The following THSD4 variants were observed in gnomAD, a reference collection of about 807,000 sequenced individuals.
THSD4 encodes thrombospondin type 1 domain containing 4, also known as thrombospondin type-1 domain-containing protein 4.
A neutral mutation model predicts 119.0 loss-of-function variants in THSD4; 69 were observed. The ratio of observed to expected loss-of-function variants is 0.58; its 90% CI spans 0.48 to 0.71. THSD4 has a LOEUF of 0.71. THSD4 is among the 30% of genes least tolerant of loss of function. The pLI is 0.00. For missense variants in THSD4, 1,393 were observed against 1,391.1 expected (o/e 1.00, Z -0.02); for synonymous variants, 524 against 540.4 (o/e 0.97, Z 0.42).
intron 10 of THSD4, chr15:71,732,541 T>TCA (rs2053000637): frequency 6.6e-6 from 1 of 152,222 alleles, no homozygotes; most frequent in African/African-American, 2.4e-5. Context: ...TAATTATAGC[T>TCA]CACACACATT....
intron 6 of THSD4, among the ~76,000 whole-genome samples, chr15:71,301,051 G>GA (rs2044941532): frequency 6.6e-6 from 1 of 152,118 alleles, no homozygotes; most frequent in South Asian, 2.1e-4. Context: ...CAGGACAAGG[G>GA]AAATTTCTCT....
chr15:71,442,200 C>A (rs1159480712), intron 7 of THSD4, among the ~76,000 whole-genome samples: 1 of 151,690 alleles, frequency 6.6e-6, no homozygotes, highest in Non-Finnish European at 1.5e-5. Context: ...CCTCGTGATC[C>A]ACCCACCTCA....
chr15:71,154,744 A>AGGGCCT (rs1289977101), intron 2 of THSD4, 119 bp from the exon 3 acceptor site: 2 of 986,652 alleles, frequency 2.0e-6, no homozygotes, highest in South Asian at 2.7e-5. Flanking sequence ...GTCACATCCC[A>AGGGCCT]GGGCCTGGGT....
intron 7 of THSD4, among the ~76,000 whole-genome samples, chr15:71,611,972 T>C (rs1451566042): frequency 1.3e-5 from 2 of 152,210 alleles, no homozygotes; most frequent in Non-Finnish European, 2.9e-5. Context: ...AACTGAGCAG[T>C]TGAGTGAGTA....
intron 15 of THSD4, among the ~76,000 whole-genome samples, chr15:71,762,863 G>A (rs1253553042): frequency 6.6e-6 from 1 of 152,134 alleles, no homozygotes; most frequent in African/African-American, 2.4e-5. Flanking sequence ...GAGGTGTCAG[G>A]AGTTTGAGAC....
At chr15:71,214,689 G>A (rs577778131) in intron 3 of THSD4, among the ~76,000 whole-genome samples, 4 of 152,328 alleles carry the variant, frequency 2.6e-5, no homozygotes, top group South Asian at 4.1e-4. Flanking sequence ...GGTGACACAA[G>A]GCATGTCTTC....
chr15:71,220,531 G>C (rs1404207103), intron 4 of THSD4, among the ~76,000 whole-genome samples: 2 of 152,128 alleles, frequency 1.3e-5, no homozygotes, highest in Admixed American at 1.3e-4. Flanking sequence ...TGGGGTTGTT[G>C]AATAATTCAA....
intron 8 of THSD4, among the ~76,000 whole-genome samples, chr15:71,677,580 G>T (rs2051679171): frequency 6.6e-6 from 1 of 152,174 alleles, no homozygotes; most frequent in African/African-American, 2.4e-5. Context: ...TGTTTACAGG[G>T]ACTTTCTTTT....
chr15:71,472,452 A>T (rs2047595030), intron 7 of THSD4, among the ~76,000 whole-genome samples: 1 of 152,156 alleles, frequency 6.6e-6, no homozygotes, highest in South Asian at 2.1e-4. Flanking sequence ...CTGAGCAGGG[A>T]TCCTTTCCAA....
At chr15:71,572,626 C>G in intron 7 of THSD4, among the ~76,000 whole-genome samples, 2 of 152,202 alleles carry the variant, frequency 1.3e-5, no homozygotes, top group East Asian at 1.9e-4. Context: ...GGAGCCACCC[C>G]CTTGAAGACA....
chr15:71,631,554 A>G (rs1457235346), intron 7 of THSD4, among the ~76,000 whole-genome samples: 1 of 152,174 alleles, frequency 6.6e-6, no homozygotes, highest in Non-Finnish European at 1.5e-5. Flanking sequence ...ATCAGGTAGC[A>G]CCTCACAGCT....
Position 71,450,342 on chromosome 15 carries a change from A to AT in THSD4, c.1152+38530dup, listed in dbSNP as rs113018622. On this transcript the variant is annotated intron_variant, in intron 7 of 17. Coordinates refer to ENST00000261862, the MANE Select transcript of THSD4 (RefSeq NM_024817.3). Reference sequence around the variant, plus strand: ...GTGAGAATAATGCAGGCAATTGAAGATTTTTTTTTTTCTTGCTCTAATTTT... The same window carrying AT: ...GTGAGAATAATGCAGGCAATTGAAGATTTTTTTTTTTTCTTGCTCTAATTTT... Among the ~76,000 whole-genome samples, 157 of 150,534 alleles carry AT rather than the reference A, an allele frequency of 1.0e-3. 2 individuals carry two copies. The highest frequency in any genetic ancestry group is 3.1e-3 in the African/African-American group (125 of 40,974).
chr15:71,554,719 A>G (rs79910546), intron 7 of THSD4, among the ~76,000 whole-genome samples: 52,315 of 132,152 alleles, frequency 0.4, 10,467 homozygotes, highest in South Asian at 0.52. Flanking sequence ...AAACAACCAA[A>G]AAGTTACCTT....
chr15:71,299,976 A>AATATATATATATATATATAT (rs1185451144), intron 6 of THSD4, among the ~76,000 whole-genome samples: 2 of 48,306 alleles, frequency 4.1e-5, no homozygotes, highest in African/African-American at 1.5e-4. Context: ...AAAAAAAAAA[A>AATATATATATATATATATAT]ATATATATAT....
intron 6 of THSD4, among the ~76,000 whole-genome samples, chr15:71,280,616 C>T (rs1254284747): frequency 7.3e-6 from 1 of 137,642 alleles, no homozygotes; most frequent in Non-Finnish European, 1.5e-5. Flanking sequence ...CCCTCCCTCT[C>T]TCTCTCATTT....
At chr15:71,655,457 T>G (rs960260893) in intron 7 of THSD4, among the ~76,000 whole-genome samples, 3 of 152,218 alleles carry the variant, frequency 2.0e-5, no homozygotes, top group African/African-American at 7.2e-5. Context: ...CGGGTGGTTG[T>G]ATGATGATGA....
At chr15:71,737,050 A>G (rs1045144603) in intron 10 of THSD4, among the ~76,000 whole-genome samples, 4 of 152,252 alleles carry the variant, frequency 2.6e-5, no homozygotes, top group African/African-American at 9.6e-5. Context: ...TTCAAAACTC[A>G]CATAGTATTC....
chr15:71,459,908 TTCAGTC>T (rs201214781), intron 7 of THSD4, among the ~76,000 whole-genome samples: 1,789 of 152,282 alleles, frequency 0.012, 23 homozygotes, highest in South Asian at 0.047. Context: ...AGACTATATA[TTCAGTC>T]TCACACAGCC....
At chr15:71,750,788 A>G (rs58076092) in intron 14 of THSD4, among the ~76,000 whole-genome samples, 2,116 of 152,290 alleles carry the variant, frequency 0.014, 50 homozygotes, top group African/African-American at 0.047. Context: ...CTTCTGCCCT[A>G]AAGCTGAGTC....
Sources: gnomAD v4.1 joint callset for allele counts (sites outside exome capture counted in the v4.1 genomes callset) on GRCh38, gnomAD v4.1.1 for gene constraint, MANE v1.5 for transcripts, NCBI Gene and HGNC (gene_info 2026-07-23, HGNC 2026-07-21) for gene names.